TBL1XR1: variants seen among roughly 807,000 people sequenced by gnomAD.
TBL1XR1 encodes the protein TBL1X/Y related 1, also known as F-box-like/WD repeat-containing protein TBL1XR1.
Under a neutral mutation model 66.9 loss-of-function variants are expected in TBL1XR1, and 5 were observed. The ratio of observed to expected loss-of-function variants is 0.07; its 90% CI spans 0.04 to 0.16. The LOEUF (loss-of-function observed/expected upper bound fraction) is 0.16, where lower values mean the gene tolerates loss of function less well. TBL1XR1 is among the 10% of genes least tolerant of loss of function. The pLI, the probability that TBL1XR1 is intolerant of heterozygous loss-of-function variation, is 1.00. For missense variants in TBL1XR1, 238 were observed against 623.2 expected, an observed-to-expected ratio of 0.38 and a Z score of 6.58; for synonymous variants, 210 against 206.0, an observed-to-expected ratio of 1.02 and a Z score of -0.17.
At chr3:177,186,193 C>A (rs1184746297) in intron 1 of TBL1XR1, among the ~76,000 whole-genome samples, 2 of 152,026 alleles carry the variant, frequency 1.3e-5, no homozygotes, top group African/African-American at 4.8e-5. Flanking sequence ...CACTCCTAAC[C>A]CCAGTCTGTA....
chr3:177,029,680 A>C (rs1713663873), intron 14 of TBL1XR1, among the ~76,000 whole-genome samples: 1 of 152,146 alleles, frequency 6.6e-6, no homozygotes, highest in South Asian at 2.1e-4. Context: ...TAAACACTCC[A>C]CATGAAGAAA....
In TBL1XR1 at chr3:177,107,106, T is replaced by TA. The variant is rs539651365; in HGVS notation, c.-121-8566dup. On this transcript the variant is annotated intron_variant, in intron 1 of 15. Coordinates refer to ENST00000457928, the MANE Select transcript of TBL1XR1 (RefSeq NM_024665.7). ...TGTAATAGAATGCAATAGGCCTCTT[T>TA]AAAAAAAAAATTAAGAATATGTCAG... Among the ~76,000 whole-genome samples, 35 of 150,046 alleles carry TA rather than the reference T, an allele frequency of 2.3e-4. No homozygotes were observed. In the South Asian group the frequency reaches 4.2e-3, roughly 18 times the overall value.
intron 1 of TBL1XR1, among the ~76,000 whole-genome samples, chr3:177,173,515 C>A (rs1047415258): frequency 6.6e-6 from 1 of 152,124 alleles, no homozygotes; most frequent in Non-Finnish European, 1.5e-5. Context: ...GTACCCATAA[C>A]CTCAGTCTAA....
rs143702709 is a variant in TBL1XR1 at position 177,186,600 on chromosome 3, C to T, written c.-122+10521G>A. Among the ~76,000 whole-genome samples, 1,240 of 152,224 alleles carry T rather than the reference C, an allele frequency of 8.1e-3. 22 individuals are homozygous for T. The highest frequency in any genetic ancestry group is 0.028 in the African/African-American group (1,170 of 41,538). ...AGAGAATAAAACATCTCTCCCTAAC[C>T]CATAAACTGTGTTCTATTCACAGTT... On this transcript the variant is annotated intron_variant, in intron 1 of 15. Coordinates refer to ENST00000457928, the MANE Select transcript of TBL1XR1 (RefSeq NM_024665.7).
intron 1 of TBL1XR1, among the ~76,000 whole-genome samples, chr3:177,179,600 T>C (rs1307021574): frequency 6.6e-6 from 1 of 152,198 alleles, no homozygotes; most frequent in Non-Finnish European, 1.5e-5. Context: ...TTGCAGAAGT[T>C]ATTCCTAAAC....
intron 1 of TBL1XR1, among the ~76,000 whole-genome samples, chr3:177,111,142 TCC>T (rs888812103): frequency 2.6e-5 from 4 of 151,998 alleles, no homozygotes; most frequent in African/African-American, 9.7e-5. Context: ...TTTGCACCTC[TCC>T]CTACTATCAT....
At chr3:177,053,125 A>C (rs987288638) in intron 4 of TBL1XR1, among the ~76,000 whole-genome samples, 2 of 152,078 alleles carry the variant, frequency 1.3e-5, no homozygotes, top group African/African-American at 2.4e-5. Flanking sequence ...CAAAACAAAA[A>C]ACAAAAACAA....
At chr3:177,049,183 G>A (rs548267519) in intron 7 of TBL1XR1, among the ~76,000 whole-genome samples, 11 of 152,222 alleles carry the variant, frequency 7.2e-5, no homozygotes, top group African/African-American at 2.2e-4. Context: ...TCTCATTCCC[G>A]GGGAAAAGAA....
intron 1 of TBL1XR1, among the ~76,000 whole-genome samples, chr3:177,146,184 A>G (rs569922139): frequency 1.3e-5 from 2 of 152,252 alleles, no homozygotes; most frequent in South Asian, 4.1e-4. Context: ...CTCTATCTCT[A>G]CAAACAGAAT....
chr3:177,042,933 G>A (rs1432156291), intron 10 of TBL1XR1, among the ~76,000 whole-genome samples: 1 of 151,524 alleles, frequency 6.6e-6, no homozygotes, highest in Non-Finnish European at 1.5e-5. Context: ...AGCCTTTATT[G>A]ACATATAATT....
upstream of TBL1XR1, among the ~76,000 whole-genome samples, chr3:177,200,199 C>T (rs150272039): frequency 9.2e-4 from 140 of 152,190 alleles, 1 homozygote; most frequent in East Asian, 0.021. Flanking sequence ...CTCAAACTCC[C>T]GACCTCAAGT....
At chr3:177,181,404 C>T (rs13318674) in intron 1 of TBL1XR1, among the ~76,000 whole-genome samples, 4,749 of 147,816 alleles carry the variant, frequency 0.032, 248 homozygotes, top group African/African-American at 0.11. Context: ...CACCTGAACC[C>T]GGGAGGTGGA....
intron 1 of TBL1XR1, among the ~76,000 whole-genome samples, chr3:177,193,900 C>T (rs1736486468): frequency 6.6e-6 from 1 of 152,168 alleles, no homozygotes; most frequent in Non-Finnish European, 1.5e-5. Flanking sequence ...CTTTGCATCT[C>T]TGTTTCATCA....
intron 10 of TBL1XR1, among the ~76,000 whole-genome samples, chr3:177,039,703 A>C (rs371507968): frequency 3.4e-4 from 52 of 152,348 alleles, no homozygotes; most frequent in African/African-American, 1.1e-3. Flanking sequence ...AGCATATCAA[A>C]GACTGCATTT....
chr3:177,079,207 G>A (rs1207279904), intron 2 of TBL1XR1, among the ~76,000 whole-genome samples: 2 of 151,228 alleles, frequency 1.3e-5, no homozygotes, highest in African/African-American at 4.9e-5. Flanking sequence ...CGAGGTGGGT[G>A]GATCCCGAGG....
chr3:177,153,639 G>A (rs776382918), intron 1 of TBL1XR1, among the ~76,000 whole-genome samples: 1 of 152,112 alleles, frequency 6.6e-6, no homozygotes, highest in East Asian at 1.9e-4. Context: ...CGTAATCCCA[G>A]CACTTTGGGA....
At chr3:177,122,624 A>G (rs774716429) in intron 1 of TBL1XR1, among the ~76,000 whole-genome samples, 2 of 152,168 alleles carry the variant, frequency 1.3e-5, no homozygotes, top group Non-Finnish European at 2.9e-5. Context: ...ATGTTATTAA[A>G]GTCGAGTGTG....
chr3:177,151,337 A>G (rs1220020036), intron 1 of TBL1XR1, among the ~76,000 whole-genome samples: 1 of 152,206 alleles, frequency 6.6e-6, no homozygotes, highest in Non-Finnish European at 1.5e-5. Context: ...TTAGTTGATG[A>G]TGGGGGTCCC....
chr3:177,051,315 G>A (rs1470716960), intron 5 of TBL1XR1, among the ~76,000 whole-genome samples, 189 bp downstream of exon 5: 4 of 152,000 alleles, frequency 2.6e-5, no homozygotes, highest in Non-Finnish European at 5.9e-5. Context: ...GTGGGAGGAA[G>A]AGGAGGATCA....
Sources: gnomAD v4.1 joint callset for allele counts (sites outside exome capture counted in the v4.1 genomes callset) on GRCh38, gnomAD v4.1.1 for gene constraint, MANE v1.5 for transcripts, NCBI Gene and HGNC (gene_info 2026-07-23, HGNC 2026-07-21) for gene names.